CHMP5: variants seen among roughly 807,000 people sequenced by gnomAD.
CHMP5 encodes the protein SNF7 domain containing 2.
A neutral mutation model predicts 33.0 loss-of-function variants in CHMP5; 17 were observed. The observed-to-expected ratio is 0.52, with a 90% CI of 0.35 to 0.77. CHMP5 has a LOEUF of 0.77. Among genes scored for constraint, CHMP5 ranks in the 30% least tolerant of loss-of-function variants. The pLI is 0.01. For synonymous variants in CHMP5, 76 were observed against 90.2 expected (o/e 0.84, Z 0.89); for missense variants, 216 against 261.5 (o/e 0.83, Z 1.20).
chr9:33,278,796 G>C (rs865990807), intron 7 of CHMP5, among the ~76,000 whole-genome samples: 1 of 152,132 alleles, frequency 6.6e-6, no homozygotes, highest in Non-Finnish European at 1.5e-5. Flanking sequence ...CTTAGCTATT[G>C]TAAGCTTTTC....
intron 5 of CHMP5, among the ~76,000 whole-genome samples, chr9:33,275,494 C>G (rs191131770): frequency 6.6e-6 from 1 of 152,140 alleles, no homozygotes; most frequent in Non-Finnish European, 1.5e-5. Flanking sequence ...TGTTTCTACT[C>G]TTGCCTCCTT....
At chr9:33,279,796 G>A (rs531155526) in intron 7 of CHMP5, among the ~76,000 whole-genome samples, 1 of 149,522 alleles carries the variant, frequency 6.7e-6, no homozygotes, top group South Asian at 2.1e-4. Flanking sequence ...CCGGGAGGCG[G>A]AGCTTGCAGT....
chr9:33,271,837 A>G (rs373765873), intron 5 of CHMP5, among the ~76,000 whole-genome samples: 16 of 152,348 alleles, frequency 1.1e-4, no homozygotes, highest in East Asian at 3.9e-4. Flanking sequence ...CTGGCCTATG[A>G]TAAGCATCCA....
chr9:33,279,225 A>G (rs961911622), intron 7 of CHMP5, among the ~76,000 whole-genome samples: 18 of 152,076 alleles, frequency 1.2e-4, no homozygotes, highest in African/African-American at 7.2e-5. Flanking sequence ...AATAATGACA[A>G]CCAGGCTGGG....
At chr9:33,271,712 T>G (rs1820796602) in intron 5 of CHMP5, among the ~76,000 whole-genome samples, 1 of 152,218 alleles carries the variant, frequency 6.6e-6, no homozygotes, top group South Asian at 2.1e-4. Context: ...CACTTTCTAC[T>G]TAAGATATTT....
chr9:33,276,690 G>T, intron 6 of CHMP5, 126 bp downstream of exon 6: 1 of 610,172 alleles, frequency 1.6e-6, no homozygotes, highest in Admixed American at 3.1e-5. Flanking sequence ...TTATGGTACT[G>T]TCCCTGGGCA....
intron 3 of CHMP5, among the ~76,000 whole-genome samples, chr9:33,268,327 G>C (rs971843155): frequency 6.6e-6 from 1 of 152,098 alleles, no homozygotes; most frequent in Non-Finnish European, 1.5e-5. Flanking sequence ...GTTTTTGTTT[G>C]TGAAGTTAGG....
chr9:33,277,995 C>A, intron 6 of CHMP5, 118 bp from the exon 7 acceptor site: 1 of 649,724 alleles, frequency 1.5e-6, no homozygotes. Flanking sequence ...ACACAGCATA[C>A]AACAATCTCA....
rs1428279736 is a variant in CHMP5 at position 33,276,509 on chromosome 9, A to G, written c.441A>G (p.Glu147=). The G allele has an allele frequency of 6.2e-7, 1 of 1,612,586 alleles. No homozygotes were observed. The highest frequency in any genetic ancestry group is 2.2e-5 in the East Asian group (1 of 44,838). Residue 147 remains glutamate (E), a synonymous_variant, in exon 6 of 8, where the codon GAA becomes GAG. Coordinates refer to ENST00000223500, the MANE Select transcript of CHMP5 (RefSeq NM_016410.6). ...DMMEDANEIQ[E]ALSRSYGTPE... ...TGGAAGATGCAAATGAAATCCAAGAAGCACTGAGTCGCAGTTATGGCACCC... is the reference window on the plus strand; with the variant it reads ...TGGAAGATGCAAATGAAATCCAAGAGGCACTGAGTCGCAGTTATGGCACCC...
rs756563364 is a variant in CHMP5 at position 33,278,215 on chromosome 9, C to A, written c.599C>A (p.Thr200Lys). 2.0e-5 allele frequency: 32 copies of A among 1,600,210 alleles called. No homozygotes were observed. The South Asian group carries it at 3.2e-4, about 16-fold the overall frequency. Residue 200 changes from threonine to lysine, a missense_variant, in exon 7 of 8, where the codon ACA (threonine) becomes AAA (lysine). Coordinates refer to ENST00000223500, the MANE Select transcript of CHMP5 (RefSeq NM_016410.6). ...ATTCCAGAAGGTGTTCCCACTGATA[C>A]AAAAAACAAGGTGAAAGCTTTTTCT... ...PAIPEGVPTD[T>K]KNKDGVLVDE... is the part of the protein sequence containing the mutation.
At chr9:33,272,552 C>G (rs1400507847) in intron 5 of CHMP5, among the ~76,000 whole-genome samples, 8 of 152,150 alleles carry the variant, frequency 5.3e-5, no homozygotes, top group Non-Finnish European at 1.0e-4. Flanking sequence ...CTCCTGTAAT[C>G]CCAGCACTTT....
intron 5 of CHMP5, among the ~76,000 whole-genome samples, chr9:33,273,440 T>G (rs1820818406): frequency 6.6e-6 from 1 of 152,224 alleles, no homozygotes; most frequent in Non-Finnish European, 1.5e-5. Flanking sequence ...CACCTGTGGT[T>G]GTCTGTCTGT....
intron 2 of CHMP5, among the ~76,000 whole-genome samples, chr9:33,266,941 GA>G (rs979426479): frequency 3.3e-5 from 5 of 152,212 alleles, no homozygotes; most frequent in African/African-American, 1.2e-4. Flanking sequence ...TGTGGATATA[GA>G]ACTACCTTGT....
intron 5 of CHMP5, among the ~76,000 whole-genome samples, chr9:33,272,247 CT>C (rs1326208021): frequency 6.6e-6 from 1 of 152,098 alleles, no homozygotes; most frequent in Non-Finnish European, 1.5e-5. Context: ...CTTTACCCCC[CT>C]GACTAGAATG....
chr9:33,265,400 G>C (rs1191113978), intron 1 of CHMP5, among the ~76,000 whole-genome samples: 2 of 151,792 alleles, frequency 1.3e-5, no homozygotes, highest in African/African-American at 2.4e-5. Context: ...CCCATTGCCC[G>C]TCCACTCGCT....
chr9:33,278,860 G>C (rs1388290636), intron 7 of CHMP5, among the ~76,000 whole-genome samples: 2 of 152,088 alleles, frequency 1.3e-5, no homozygotes, highest in African/African-American at 4.8e-5. Context: ...CGTAATTGTT[G>C]TGCAAGCAAA....
chr9:33,270,798 C>A, intron 4 of CHMP5, 82 bp downstream of exon 4: 2 of 1,212,196 alleles, frequency 1.6e-6, no homozygotes, highest in Non-Finnish European at 2.4e-6. Context: ...GACAGTTTAA[C>A]CAGCCAGGCA....
At chr9:33,274,188 A>C (rs1439507097) in intron 5 of CHMP5, among the ~76,000 whole-genome samples, 1 of 151,598 alleles carries the variant, frequency 6.6e-6, no homozygotes, top group Non-Finnish European at 1.5e-5. Context: ...CCATCCTTCT[A>C]CTTCAGTCTC....
intron 6 of CHMP5, chr9:33,277,653 C>T (rs907415352): frequency 1.9e-5 from 3 of 158,922 alleles, no homozygotes; most frequent in Non-Finnish European, 4.2e-5. Flanking sequence ...GTGGACAAGA[C>T]TTAATGATTG....
Sources: allele counts gnomAD v4.1 joint callset (sites outside exome capture counted in the v4.1 genomes callset), GRCh38; gene constraint gnomAD v4.1.1; transcripts MANE v1.5; gene names NCBI Gene and HGNC (gene_info 2026-07-23, HGNC 2026-07-21).